Variants in MAP4K3 observed in about 807,000 individuals in gnomAD.
The protein encoded by MAP4K3 is mitogen-activated protein kinase kinase kinase kinase 3.
A neutral mutation model predicts 143.5 loss-of-function variants in MAP4K3; 94 were observed. That is an observed-to-expected ratio of 0.65 (90% CI 0.55 to 0.78). The LOEUF is 0.78. Among genes scored for constraint, MAP4K3 ranks in the 30% least tolerant of loss-of-function variants. MAP4K3 has a pLI of 0.00. For missense variants in MAP4K3, 1,077 were observed against 1,068.1 expected, an observed-to-expected ratio of 1.01 and a Z score of -0.12; for synonymous variants, 416 against 347.2, an observed-to-expected ratio of 1.20 and a Z score of -2.20.
Position 39,348,822 on chromosome 2 carries a change from T to C in MAP4K3, c.246-5370A>G, listed in dbSNP as rs574049759. On this transcript the variant is annotated intron_variant, in intron 3 of 33. Coordinates refer to ENST00000263881, the MANE Select transcript of MAP4K3 (RefSeq NM_003618.4). ...GAGCATACAGGGACCAAAATTCTAA[T>C]AGCTATTTTATGGTTCTGAAATTCT... 2.4e-4 allele frequency among the ~76,000 whole-genome samples: 36 copies of C among 152,298 alleles called. No individual in the cohort carries two copies. The South Asian group carries it at 6.8e-3, about 29-fold the overall frequency.
rs191765810 is a variant in MAP4K3, at chr2:39,307,522, G to T, written c.1119+421C>A. ...GAATAATATATGTACCATGATATAT[G>T]AATATTATATATGTAATGCATATGA... On this transcript the variant is annotated intron_variant, in intron 15 of 33. Coordinates refer to ENST00000263881, the MANE Select transcript of MAP4K3 (RefSeq NM_003618.4). 5.5e-4 allele frequency among the ~76,000 whole-genome samples: 83 copies of T among 151,548 alleles called. 1 individual carries two copies. The highest frequency in any genetic ancestry group is 1.8e-3 in the African/African-American group (76 of 41,384).
At chr2:39,276,530 A>C (rs1333906334) in intron 24 of MAP4K3, among the ~76,000 whole-genome samples, 1 of 152,222 alleles carries the variant, frequency 6.6e-6, no homozygotes, top group Admixed American at 6.5e-5. Flanking sequence ...TTCATATCGC[A>C]GTCCAGCCAC....
chr2:39,297,341 C>T (rs1317960567), intron 16 of MAP4K3, among the ~76,000 whole-genome samples: 1 of 152,148 alleles, frequency 6.6e-6, no homozygotes, highest in Non-Finnish European at 1.5e-5. Context: ...TGGTCTCGAT[C>T]TCCTGACCTC....
intron 1 of MAP4K3, among the ~76,000 whole-genome samples, chr2:39,405,449 C>G (rs1277256143): frequency 6.6e-6 from 1 of 152,104 alleles, no homozygotes; most frequent in African/African-American, 2.4e-5. Context: ...CCAAGAAAGA[C>G]AAATACAAAC....
chr2:39,414,315 G>T (rs1202804098), intron 1 of MAP4K3, among the ~76,000 whole-genome samples: 1 of 152,178 alleles, frequency 6.6e-6, no homozygotes, highest in Non-Finnish European at 1.5e-5. Context: ...ATCCTAGTTA[G>T]TAGGTGGAAT....
At chr2:39,384,033 G>C (rs1375815557) in intron 1 of MAP4K3, among the ~76,000 whole-genome samples, 1 of 151,358 alleles carries the variant, frequency 6.6e-6, no homozygotes, top group Non-Finnish European at 1.5e-5. Context: ...AGGATCAATT[G>C]AGCCCAAGAG....
rs192875853 is a variant in MAP4K3 at position 39,273,875 on chromosome 2, C to G, written c.1795-1333G>C. On this transcript the variant is annotated intron_variant, in intron 24 of 33. Coordinates refer to ENST00000263881, the MANE Select transcript of MAP4K3 (RefSeq NM_003618.4). The stretch of plus-strand genomic sequence containing the variant: ...CACAACAAAATTGGGACTTCATTGG[C>G]TATACTGAAAAAATCAGGTAGAGAA... Among the ~76,000 whole-genome samples the G allele has an allele frequency of 1.1e-3, 161 of 152,236 alleles. 1 individual carries two copies. In the East Asian group the frequency reaches 0.023, roughly 22 times the overall value.
At chr2:39,366,699 G>C (rs771270070) in intron 2 of MAP4K3, among the ~76,000 whole-genome samples, 4 of 152,180 alleles carry the variant, frequency 2.6e-5, no homozygotes, top group Non-Finnish European at 5.9e-5. Flanking sequence ...GTAATCTATG[G>C]CTAACATTCC....
At chr2:39,419,825 C>T (rs1667495647) in intron 1 of MAP4K3, among the ~76,000 whole-genome samples, 1 of 152,106 alleles carries the variant, frequency 6.6e-6, no homozygotes, top group Non-Finnish European at 1.5e-5. Flanking sequence ...ACTGTTTCTG[C>T]AAAAGGCTTT....
At position 39,292,823 on chromosome 2, in the gene MAP4K3, T is replaced by C. The variant is rs1169401331; in HGVS notation, c.1221A>G (p.Gly407=). The change falls in exon 18 of 34, where the codon GGA becomes GGG. Residue 407 remains glycine (G), a synonymous_variant. Coordinates refer to ENST00000263881, the MANE Select transcript of MAP4K3 (RefSeq NM_003618.4). ...CATCATCTTCTAAATGTGCGACGTGTCCTCTAAATAAAAAGGATAATGTCA... is the reference window on the plus strand; with the variant it reads ...CATCATCTTCTAAATGTGCGACGTGCCCTCTAAATAAAAAGGATAATGTCA... ...KSVEEELHQR[G]HVAHLEDDEG... The C allele has an allele frequency of 1.2e-6, 2 of 1,611,714 alleles. No homozygotes were observed. Among genetic ancestry groups the C allele is most frequent in the East Asian group, 2.2e-5 (1 of 44,836 alleles).
In MAP4K3 at chr2:39,356,266, A is replaced by T; in HGVS notation, c.228T>A (p.Tyr76Ter). Residue 76 changes from tyrosine to a stop codon, truncating the protein, a stop_gained, in exon 3 of 34, where the codon TAT (tyrosine) becomes TAA (stop). Transcript: ENST00000263881. LOFTEE classifies it high-confidence loss of function. ...KDCKHPNIVAYFGSYLRRDKL... is the reference protein window; with the variant it reads ...KDCKHPNIVA ...CAGTATACCTGAGATAGCTTCCAAA[A>T]TAAGCAACAATATTTGGGTGTTTAC... 6.3e-7 allele frequency: 1 copy of T among 1,597,530 alleles called. No individual in the cohort carries two copies. The highest frequency in any genetic ancestry group is 8.5e-7 in the Non-Finnish European group (1 of 1,170,886).
chr2:39,418,453 C>A (rs1424677755), intron 1 of MAP4K3, among the ~76,000 whole-genome samples: 1 of 152,194 alleles, frequency 6.6e-6, no homozygotes, highest in African/African-American at 2.4e-5. Context: ...AAGCTACTCC[C>A]TTCCTCAAAG....
rs1380701882 is a variant in MAP4K3, at chr2:39,267,250, A to G, written c.1974-3T>C. ...TTTTTGCTGATACAGAAAATTTCCT[A>G]AATGTAAATAAAAGTGAGTACGTAA... On this transcript the variant is annotated splice_polypyrimidine_tract_variant and splice_region_variant and intron_variant, in intron 26 of 33. Coordinates refer to ENST00000263881, the MANE Select transcript of MAP4K3 (RefSeq NM_003618.4). 1 of 1,612,478 alleles carries G rather than the reference A, an allele frequency of 6.2e-7. No homozygotes were observed. The highest frequency in any genetic ancestry group is 1.7e-5 in the Admixed American group (1 of 60,022).
chr2:39,329,601 C>T (rs1056046996), intron 8 of MAP4K3, among the ~76,000 whole-genome samples: 5 of 152,148 alleles, frequency 3.3e-5, no homozygotes. Flanking sequence ...CAGTCAGTCC[C>T]TGGCATTCCT....
chr2:39,391,020 T>C (rs532682114), intron 1 of MAP4K3, among the ~76,000 whole-genome samples: 2 of 152,018 alleles, frequency 1.3e-5, no homozygotes, highest in South Asian at 4.2e-4. Context: ...ATGTTAAATA[T>C]ATTCTGGAAA....
chr2:39,320,476 A>T (rs895458876), intron 12 of MAP4K3, among the ~76,000 whole-genome samples: 5 of 151,890 alleles, frequency 3.3e-5, no homozygotes, highest in African/African-American at 1.2e-4. Flanking sequence ...TGGGTTAATG[A>T]TTTATGGTAC....
intron 2 of MAP4K3, among the ~76,000 whole-genome samples, chr2:39,365,046 G>C (rs1007070445): frequency 1.3e-5 from 2 of 152,136 alleles, no homozygotes; most frequent in African/African-American, 2.4e-5. Flanking sequence ...ATAGAATACA[G>C]ATTTCCCCCA....
chr2:39,290,369 AT>A, intron 18 of MAP4K3, 35 bp from the exon 19 acceptor site: 1 of 1,401,468 alleles, frequency 7.1e-7, no homozygotes, highest in Non-Finnish European at 9.9e-7. Context: ...AGAACTATTC[AT>A]TTTACAAATG....
intron 2 of MAP4K3, among the ~76,000 whole-genome samples, chr2:39,365,912 TAA>T (rs1665910134): frequency 1.3e-5 from 2 of 152,252 alleles, no homozygotes; most frequent in African/African-American, 4.8e-5. Flanking sequence ...ACGTTACATG[TAA>T]AAGTGTTTTA....
Sources: gnomAD v4.1 joint callset for allele counts (sites outside exome capture counted in the v4.1 genomes callset) on GRCh38, gnomAD v4.1.1 for gene constraint, MANE v1.5 for transcripts, NCBI Gene and HGNC (gene_info 2026-07-23, HGNC 2026-07-21) for gene names.